Variants in ARHGAP15 observed in about 807,000 individuals in gnomAD.
ARHGAP15 encodes the protein Rho GTPase activating protein 15, also known as rho GTPase-activating protein 15.
In ARHGAP15, 51 loss-of-function variants were observed where a neutral mutation model predicts 63.7. That is an observed-to-expected ratio of 0.80 (90% CI 0.64 to 1.01). ARHGAP15 has a LOEUF of 1.01. Ranked by LOEUF, ARHGAP15 falls within the 50% of genes least tolerant of loss-of-function variation. ARHGAP15 has a pLI of 0.00. For missense variants in ARHGAP15, 560 were observed against 564.6 expected (o/e 0.99, Z 0.08); for synonymous variants, 191 against 193.8 (o/e 0.99, Z 0.12).
chr2:143,667,877 A>T (rs114900414), intron 12 of ARHGAP15, among the ~76,000 whole-genome samples: 74 of 152,066 alleles, frequency 4.9e-4, no homozygotes, highest in African/African-American at 1.7e-3. Context: ...TGTGCCATCT[A>T]CTCAGGAAGC....
intron 6 of ARHGAP15, among the ~76,000 whole-genome samples, chr2:143,429,634 G>A (rs187815730): frequency 3.5e-4 from 53 of 152,128 alleles, no homozygotes; most frequent in Non-Finnish European, 5.3e-4. Flanking sequence ...TCCAATAAGC[G>A]TCTGGAAACT....
At chr2:143,572,597 A>C (rs1056142423) in intron 11 of ARHGAP15, among the ~76,000 whole-genome samples, 1 of 152,172 alleles carries the variant, frequency 6.6e-6, no homozygotes, top group East Asian at 1.9e-4. Flanking sequence ...TCCAGTCTCT[A>C]CATAAGGTAT....
intron 1 of ARHGAP15, among the ~76,000 whole-genome samples, chr2:143,149,000 C>G (rs1020653883): frequency 6.6e-6 from 1 of 152,034 alleles, no homozygotes; most frequent in African/African-American, 2.4e-5. Flanking sequence ...GGTTGTGGCA[C>G]ACATTACTGG....
chr2:143,251,496 G>A (rs997975170), intron 6 of ARHGAP15, among the ~76,000 whole-genome samples: 12 of 151,920 alleles, frequency 7.9e-5, no homozygotes, highest in African/African-American at 2.7e-4. Flanking sequence ...ATTTTCTACC[G>A]ACACTCTCAC....
chr2:143,734,543 C>T (rs1289769561), intron 13 of ARHGAP15, among the ~76,000 whole-genome samples: 1 of 152,206 alleles, frequency 6.6e-6, no homozygotes, highest in African/African-American at 2.4e-5. Context: ...TCTATAGCCA[C>T]TGCAGGTAGC....
At position 143,768,082 on chromosome 2, in the gene ARHGAP15, A is replaced by T; in HGVS notation, c.1338A>T (p.Gly446=). Residue 446 remains glycine (G), a synonymous_variant, in exon 14 of 14, where the codon GGA becomes GGT. Transcript: ENST00000295095. ...PTLLRAENET[G]NMAIHMVYQN... ...TTCTGCGAGCTGAAAATGAAACAGG[A>T]AACATGGCGATCCACATGGTCTACC... 1 of 1,613,836 alleles carries T rather than the reference A, an allele frequency of 6.2e-7. No individual in the cohort carries two copies. The highest frequency in any genetic ancestry group is 1.3e-5 in the African/African-American group (1 of 75,006).
chr2:143,286,100 T>A (rs965700768), intron 6 of ARHGAP15, among the ~76,000 whole-genome samples: 1 of 152,238 alleles, frequency 6.6e-6, no homozygotes, highest in African/African-American at 2.4e-5. Flanking sequence ...CATTTACATT[T>A]TCTGTCTGTA....
chr2:143,527,704 A>C (rs1694338249), intron 10 of ARHGAP15, among the ~76,000 whole-genome samples: 1 of 152,118 alleles, frequency 6.6e-6, no homozygotes, highest in Admixed American at 6.6e-5. Flanking sequence ...TATTAAGTAC[A>C]TGATGTGCTC....
intron 6 of ARHGAP15, among the ~76,000 whole-genome samples, chr2:143,263,964 C>CTA (rs1467835701): frequency 8.5e-6 from 1 of 117,662 alleles, no homozygotes; most frequent in Non-Finnish European, 1.6e-5. Flanking sequence ...ACATACTGAG[C>CTA]TAACCCATCC....
At chr2:143,339,207 G>A (rs1338679809) in intron 6 of ARHGAP15, among the ~76,000 whole-genome samples, 1 of 152,132 alleles carries the variant, frequency 6.6e-6, no homozygotes, top group East Asian at 1.9e-4. Context: ...GTGTTGGGTA[G>A]TGAAAAAGAT....
intron 6 of ARHGAP15, among the ~76,000 whole-genome samples, chr2:143,258,696 G>A (rs190665429): frequency 4.2e-4 from 64 of 152,278 alleles, no homozygotes; most frequent in African/African-American, 1.4e-3. Flanking sequence ...GAGAAATCAG[G>A]AAGGAAGCTG....
chr2:143,766,997 G>C (rs1332786889), intron 13 of ARHGAP15: 1 of 152,112 alleles, frequency 6.6e-6, no homozygotes, highest in African/African-American at 2.4e-5. Flanking sequence ...AGACCCCACT[G>C]TCCTGTAAAA....
intron 8 of ARHGAP15, among the ~76,000 whole-genome samples, chr2:143,442,043 A>G (rs1319901253): frequency 6.6e-6 from 1 of 152,208 alleles, no homozygotes; most frequent in East Asian, 1.9e-4. Context: ...AGAGTTACAC[A>G]ATAAAAATTA....
At chr2:143,659,346 G>A (rs2105318067) in intron 12 of ARHGAP15, among the ~76,000 whole-genome samples, 1 of 152,246 alleles carries the variant, frequency 6.6e-6, no homozygotes, top group South Asian at 2.1e-4. Context: ...CTATTACACA[G>A]TGTATACATT....
At chr2:143,711,789 C>T (rs1392266221) in intron 13 of ARHGAP15, among the ~76,000 whole-genome samples, 1 of 152,116 alleles carries the variant, frequency 6.6e-6, no homozygotes, top group East Asian at 1.9e-4. Flanking sequence ...ATTAGCCAGA[C>T]ATTGTGGCAT....
chr2:143,667,814 A>T (rs2105341446), intron 12 of ARHGAP15, among the ~76,000 whole-genome samples: 1 of 151,396 alleles, frequency 6.6e-6, no homozygotes, highest in South Asian at 2.1e-4. Context: ...ACGTGGTGAA[A>T]CTCTCTCTAC....
chr2:143,484,058 C>G (rs1692196984), intron 8 of ARHGAP15, among the ~76,000 whole-genome samples: 1 of 151,838 alleles, frequency 6.6e-6, no homozygotes, highest in Non-Finnish European at 1.5e-5. Flanking sequence ...TGAAATCCCA[C>G]CTCTATTAAA....
intron 6 of ARHGAP15, among the ~76,000 whole-genome samples, chr2:143,326,899 G>A (rs1684276736): frequency 6.6e-6 from 1 of 152,134 alleles, no homozygotes; most frequent in Non-Finnish European, 1.5e-5. Context: ...ACATAGTGCT[G>A]GAAGTTCTGG....
intron 13 of ARHGAP15, among the ~76,000 whole-genome samples, chr2:143,757,375 G>A (rs1686615538): frequency 6.6e-6 from 1 of 152,054 alleles, no homozygotes; most frequent in Non-Finnish European, 1.5e-5. Flanking sequence ...GCCAGGCATG[G>A]TAACGCGTGA....
Sources: gnomAD v4.1 joint callset for allele counts (sites outside exome capture counted in the v4.1 genomes callset) on GRCh38, gnomAD v4.1.1 for gene constraint, MANE v1.5 for transcripts, NCBI Gene and HGNC (gene_info 2026-07-23, HGNC 2026-07-21) for gene names.